Variants in TM2D1 observed in about 807,000 individuals in gnomAD.
TM2D1 encodes the protein TM2 domain containing 1.
Under a neutral mutation model 28.4 loss-of-function variants are expected in TM2D1, and 15 were observed. That is an observed-to-expected ratio of 0.53 (90% confidence interval 0.35 to 0.81). The LOEUF (loss-of-function observed/expected upper bound fraction) is 0.81, where lower values mean the gene tolerates loss of function less well. TM2D1 is among the 40% of genes least tolerant of loss of function. The probability of loss-of-function intolerance (pLI) is 0.01; values close to 1 mark genes in which losing one functional copy is unlikely to be tolerated. For missense variants in TM2D1, 236 were observed against 254.9 expected (o/e 0.93, Z 0.50); for synonymous variants, 93 against 96.2 (o/e 0.97, Z 0.20).
At chr1:61,686,858 G>A (rs1644289216) in intron 5 of TM2D1, 1 of 947,444 alleles carries the variant, frequency 1.1e-6, no homozygotes, top group Non-Finnish European at 1.3e-6. Context: ...AGGAATTCGA[G>A]GCTGCAATGA....
chr1:61,702,328 A>T (rs979410488), intron 3 of TM2D1, among the ~76,000 whole-genome samples: 3 of 151,894 alleles, frequency 2.0e-5, no homozygotes, highest in South Asian at 4.2e-4. Context: ...TTATATATAT[A>T]ATATATATAA....
At chr1:61,720,380 T>A (rs1644554753) in intron 2 of TM2D1, among the ~76,000 whole-genome samples, 1 of 152,130 alleles carries the variant, frequency 6.6e-6, no homozygotes, top group Non-Finnish European at 1.5e-5. Flanking sequence ...TTGCTGGGAC[T>A]ACAGGCATGT....
At chr1:61,693,179 A>G (rs1267099123) in intron 5 of TM2D1, among the ~76,000 whole-genome samples, 1 of 152,150 alleles carries the variant, frequency 6.6e-6, no homozygotes, top group East Asian at 1.9e-4. Context: ...AGAGGTTGAC[A>G]GTGATCTGAG....
chr1:61,704,777 C>A (rs760054467), intron 3 of TM2D1, among the ~76,000 whole-genome samples: 1 of 152,054 alleles, frequency 6.6e-6, no homozygotes, highest in Non-Finnish European at 1.5e-5. Flanking sequence ...AGAAAGGAAA[C>A]AGCCAGGCTG....
At chr1:61,708,556 T>C (rs1040179211) in intron 3 of TM2D1, among the ~76,000 whole-genome samples, 5 of 152,346 alleles carry the variant, frequency 3.3e-5, no homozygotes, top group Admixed American at 6.5e-5. Context: ...CTAGCCAAAC[T>C]GATAACTTTT....
chr1:61,710,906 TG>T (rs1418540935), intron 2 of TM2D1, among the ~76,000 whole-genome samples: 1 of 152,198 alleles, frequency 6.6e-6, no homozygotes, highest in African/African-American at 2.4e-5. Context: ...TACACCTATT[TG>T]TCAGGTTACT....
At chr1:61,720,909 T>A (rs1268650074) in intron 2 of TM2D1, among the ~76,000 whole-genome samples, 1 of 152,046 alleles carries the variant, frequency 6.6e-6, no homozygotes, top group Non-Finnish European at 1.5e-5. Context: ...CGTTCATCCC[T>A]ACCCAAACAT....
At chr1:61,694,587 A>C in intron 5 of TM2D1, 110 bp downstream of exon 5, 1 of 655,636 alleles carries the variant, frequency 1.5e-6, no homozygotes. Context: ...AAATGGAAAC[A>C]ACCATTCTTC....
Position 61,683,432 on chromosome 1 carries a change from A to C in TM2D1, c.*4T>G, listed in dbSNP as rs374671955. 145 of 1,234,926 alleles carry C rather than the reference A, an allele frequency of 1.2e-4. No homozygotes were observed. In the African/African-American group the frequency reaches 1.9e-3, roughly 17 times the overall value. 76.5% of individuals were successfully genotyped at this position (1,234,926 alleles called of 1,614,324 possible). A position where few individuals can be genotyped will look rare whatever the true frequency, so the allele number is the denominator to read the frequency against. ...TATCACTTACTGTTTCTTTTAAAAAATATTTATGGATATAATTGCGTTTTT... is the reference window on the plus strand; with the variant it reads ...TATCACTTACTGTTTCTTTTAAAAACTATTTATGGATATAATTGCGTTTTT... On this transcript the variant is annotated 3_prime_UTR_variant, in exon 6 of 7. Transcript: ENST00000606498.
intron 5 of TM2D1, among the ~76,000 whole-genome samples, chr1:61,692,496 A>AAGAAAG (rs1244487145): frequency 4.1e-4 from 62 of 152,126 alleles, no homozygotes; most frequent in African/African-American, 1.4e-3. Flanking sequence ...AAGAAAGAAA[A>AAGAAAG]AGAAAGAGAA....
chr1:61,694,570 T>C (rs976814036), intron 5 of TM2D1, 127 bp downstream of exon 5: 1 of 573,186 alleles, frequency 1.7e-6, no homozygotes, highest in South Asian at 3.4e-5. Context: ...ATCTAGTACA[T>C]GAAGAAAAAT....
chr1:61,691,936 T>A (rs77144685), intron 5 of TM2D1, among the ~76,000 whole-genome samples: 45,899 of 78,248 alleles, frequency 0.59, 11,349 homozygotes, highest in South Asian at 0.69. Flanking sequence ...AAAAAAAATA[T>A]ATATATATAT....
chr1:61,712,154 G>C (rs1644483363), intron 2 of TM2D1, among the ~76,000 whole-genome samples: 1 of 152,054 alleles, frequency 6.6e-6, no homozygotes, highest in South Asian at 2.1e-4. Flanking sequence ...CATATAGTGA[G>C]TACAGACCAG....
intron 5 of TM2D1, among the ~76,000 whole-genome samples, chr1:61,692,167 T>C (rs1644332905): frequency 6.6e-6 from 1 of 151,572 alleles, no homozygotes; most frequent in South Asian, 2.1e-4. Flanking sequence ...ATATTATCTG[T>C]ATATTTTTAG....
chr1:61,687,454 T>G (rs1644292309), intron 5 of TM2D1, among the ~76,000 whole-genome samples: 1 of 152,210 alleles, frequency 6.6e-6, no homozygotes, highest in Admixed American at 6.5e-5. Context: ...TTGCACTTAA[T>G]GTTGTAGTAT....
intron 3 of TM2D1, among the ~76,000 whole-genome samples, chr1:61,706,954 G>GATATCA (rs1339050369): frequency 3.3e-5 from 5 of 151,170 alleles, no homozygotes; most frequent in African/African-American, 1.2e-4. Flanking sequence ...TATCATAATT[G>GATATCA]ATATCAATAT....
At chr1:61,683,610 C>T (rs1290967643) in intron 5 of TM2D1, 64 bp from the exon 6 acceptor site, 1 of 821,970 alleles carries the variant, frequency 1.2e-6, no homozygotes, top group Non-Finnish European at 1.9e-6. Context: ...ACTTTGTTTA[C>T]TTTTCTCAGT....
chr1:61,721,548 AAAAAAAAAG>A (rs552999927), intron 2 of TM2D1, among the ~76,000 whole-genome samples: 5,651 of 151,192 alleles, frequency 0.037, 286 homozygotes, highest in African/African-American at 0.12. Flanking sequence ...TCTCAAAAAA[AAAAAAAAAG>A]AAAAAAGAAA....
intron 5 of TM2D1, among the ~76,000 whole-genome samples, chr1:61,688,371 A>G (rs972370251): frequency 6.6e-6 from 1 of 152,180 alleles, no homozygotes; most frequent in Non-Finnish European, 1.5e-5. Flanking sequence ...TTTTCCCAAT[A>G]TATCACACCA....
Sources: allele counts gnomAD v4.1 joint callset (sites outside exome capture counted in the v4.1 genomes callset), GRCh38; gene constraint gnomAD v4.1.1; transcripts MANE v1.5; gene names NCBI Gene and HGNC (gene_info 2026-07-23, HGNC 2026-07-21).